The following ADARB2 variants were observed in gnomAD, a reference collection of about 807,000 sequenced individuals.
ADARB2 encodes adenosine deaminase RNA specific B2 (inactive), also known as inactive double-stranded RNA-specific editase B2.
A neutral mutation model predicts 62.2 loss-of-function variants in ADARB2; 25 were observed. That is an observed-to-expected ratio of 0.40 (90% CI 0.29 to 0.56). ADARB2 has a LOEUF of 0.56. ADARB2 is among the 20% of genes least tolerant of loss of function. The pLI is 0.43. For synonymous variants in ADARB2, 572 were observed against 500.8 expected (o/e 1.14, Z -1.90); for missense variants, 1,071 against 1,077.4 (o/e 0.99, Z 0.08).
At chr10:1,209,494 C>T (rs1164260173) in intron 7 of ADARB2, among the ~76,000 whole-genome samples, 8 of 137,918 alleles carry the variant, frequency 5.8e-5, no homozygotes, top group South Asian at 2.2e-4. Context: ...CCTACACTGT[C>T]GCCCATGCCT....
chr10:1,735,159 A>G (rs556125211), intron 1 of ADARB2, among the ~76,000 whole-genome samples: 1 of 152,358 alleles, frequency 6.6e-6, no homozygotes, highest in Non-Finnish European at 1.5e-5. Context: ...AAATCAGTGT[A>G]CAAAACCTGA....
intron 1 of ADARB2, among the ~76,000 whole-genome samples, chr10:1,484,453 G>C (rs1467170704): frequency 1.3e-5 from 2 of 152,216 alleles, no homozygotes; most frequent in African/African-American, 4.8e-5. Flanking sequence ...CCCTGTCCAC[G>C]CTGTCGTCCC....
At chr10:1,706,662 G>A (rs1395004979) in intron 1 of ADARB2, among the ~76,000 whole-genome samples, 1 of 152,212 alleles carries the variant, frequency 6.6e-6, no homozygotes, top group African/African-American at 2.4e-5. Context: ...GCAGGATGAT[G>A]TTGCTTTCTG....
chr10:1,425,193 G>A (rs962632624), intron 1 of ADARB2, among the ~76,000 whole-genome samples: 4 of 152,074 alleles, frequency 2.6e-5, no homozygotes, highest in Admixed American at 1.3e-4. Context: ...ATTGGACTAC[G>A]GTTTCAGGAA....
chr10:1,301,839 T>A (rs1334885736), intron 3 of ADARB2, among the ~76,000 whole-genome samples: 2 of 152,208 alleles, frequency 1.3e-5, no homozygotes, highest in Non-Finnish European at 2.9e-5. Context: ...TACAGAGATG[T>A]TCCCTGTACC....
chr10:1,296,591 GT>G (rs1307114180), intron 3 of ADARB2, among the ~76,000 whole-genome samples: 1 of 152,104 alleles, frequency 6.6e-6, no homozygotes, highest in Non-Finnish European at 1.5e-5. Context: ...CATCACAAAC[GT>G]TGGGGGAGGG....
intron 3 of ADARB2, among the ~76,000 whole-genome samples, chr10:1,316,310 C>T (rs1444670161): frequency 6.6e-6 from 1 of 152,236 alleles, no homozygotes; most frequent in Non-Finnish European, 1.5e-5. Flanking sequence ...CCCTGCTCTG[C>T]CGTGGTGATG....
chr10:1,488,486 A>G (rs1336291032), intron 1 of ADARB2, among the ~76,000 whole-genome samples: 2 of 152,178 alleles, frequency 1.3e-5, no homozygotes, highest in Non-Finnish European at 2.9e-5. Context: ...GAAAATAGAC[A>G]AGTGGCCAAA....
At chr10:1,267,105 C>T (rs1185252532) in intron 4 of ADARB2, among the ~76,000 whole-genome samples, 1 of 150,384 alleles carries the variant, frequency 6.6e-6, no homozygotes, top group African/African-American at 2.5e-5. Context: ...AAGTGAATGG[C>T]TCACACCTAA....
chr10:1,507,204 G>A (rs916093381), intron 1 of ADARB2, among the ~76,000 whole-genome samples: 9 of 152,212 alleles, frequency 5.9e-5, no homozygotes, highest in African/African-American at 1.9e-4. Flanking sequence ...AAATACGGAA[G>A]CCAGGAAGAC....
At chr10:1,695,444 T>C (rs938568060) in intron 1 of ADARB2, among the ~76,000 whole-genome samples, 2 of 152,184 alleles carry the variant, frequency 1.3e-5, no homozygotes, top group African/African-American at 4.8e-5. Context: ...AGCTATCCAC[T>C]TTAGGGGTCG....
chr10:1,315,308 G>C lies in ADARB2; in HGVS notation c.1078-44239C>G, dbSNP rs994541955. On this transcript the variant is annotated intron_variant, in intron 3 of 9. Coordinates refer to ENST00000381312, the MANE Select transcript of ADARB2 (RefSeq NM_018702.4). ...TGGGCCTCTGCATCAGCCCCAGCCA[G>C]CGCACATGGCTTCCAAGGTTTCCGC... 5.9e-5 allele frequency among the ~76,000 whole-genome samples: 9 copies of C among 152,340 alleles called. No homozygotes were observed. In the South Asian group the frequency reaches 6.2e-4, roughly 11 times the overall value.
chr10:1,472,031 T>G lies in ADARB2; in HGVS notation c.101-92871A>C, dbSNP rs892490236. 2.0e-5 allele frequency among the ~76,000 whole-genome samples: 3 copies of G among 152,352 alleles called. No homozygotes were observed. The South Asian group carries it at 6.2e-4, about 32-fold the overall frequency. ...ATAATTCAATCCACACTATACCATC[T>G]TGCCCTCAGAGGAGACCCTAAAGTC... On this transcript the variant is annotated intron_variant, in intron 1 of 9. Coordinates refer to ENST00000381312, the MANE Select transcript of ADARB2 (RefSeq NM_018702.4).
chr10:1,559,134 A>G (rs1200974234), intron 1 of ADARB2, among the ~76,000 whole-genome samples: 1 of 152,234 alleles, frequency 6.6e-6, no homozygotes, highest in Non-Finnish European at 1.5e-5. Flanking sequence ...GTCAAATCCA[A>G]GCTCAAGAGA....
intron 2 of ADARB2, among the ~76,000 whole-genome samples, chr10:1,373,200 AGAG>A (rs959309248): frequency 1.9e-4 from 29 of 152,184 alleles, no homozygotes; most frequent in Non-Finnish European, 3.8e-4. Flanking sequence ...GAAAAAGAAC[AGAG>A]GAGGAGAGTA....
intron 1 of ADARB2, among the ~76,000 whole-genome samples, chr10:1,635,021 A>G (rs1208676322): frequency 6.6e-6 from 1 of 152,224 alleles, no homozygotes; most frequent in Non-Finnish European, 1.5e-5. Context: ...ATAAACTTAA[A>G]TATTTCTCTG....
chr10:1,688,673 A>G (rs1564368177), intron 1 of ADARB2, among the ~76,000 whole-genome samples: 1 of 152,292 alleles, frequency 6.6e-6, no homozygotes, highest in East Asian at 1.9e-4. Flanking sequence ...AAAAAATAAA[A>G]AGATAACTGA....
At chr10:1,611,340 A>C (rs1455530373) in intron 1 of ADARB2, among the ~76,000 whole-genome samples, 1 of 152,124 alleles carries the variant, frequency 6.6e-6, no homozygotes, top group East Asian at 1.9e-4. Flanking sequence ...CTCTCAACTT[A>C]CTCTCAGAAC....
At chr10:1,218,459 A>AT in intron 6 of ADARB2, among the ~76,000 whole-genome samples, 1 of 152,344 alleles carries the variant, frequency 6.6e-6, no homozygotes, top group East Asian at 1.9e-4. Context: ...TTACATACAT[A>AT]TGATAACGTA....
Sources: allele counts gnomAD v4.1 joint callset (sites outside exome capture counted in the v4.1 genomes callset), GRCh38; gene constraint gnomAD v4.1.1; transcripts MANE v1.5; gene names NCBI Gene and HGNC (gene_info 2026-07-23, HGNC 2026-07-21).